Variants in ZNF804B observed in about 807,000 individuals in gnomAD.
The protein encoded by ZNF804B is zinc finger protein 804B, also known as zinc finger 804B.
Under a neutral mutation model 101.4 loss-of-function variants are expected in ZNF804B, and 80 were observed. That is an observed-to-expected ratio of 0.79 (90% confidence interval 0.66 to 0.95). ZNF804B has a LOEUF of 0.95. ZNF804B is among the 40% of genes least tolerant of loss of function. The pLI, the probability that ZNF804B is intolerant of heterozygous loss-of-function variation, is 0.00. For missense variants in ZNF804B, 1,673 were observed against 1,561.9 expected (o/e 1.07, Z -1.20); for synonymous variants, 622 against 558.8 (o/e 1.11, Z -1.59).
chr7:88,775,100 T>G (rs1323108673), intron 1 of ZNF804B, among the ~76,000 whole-genome samples: 1 of 152,246 alleles, frequency 6.6e-6, no homozygotes, highest in Non-Finnish European at 1.5e-5. Flanking sequence ...AACAGATTTT[T>G]ATTTCTTAAT....
At chr7:89,204,100 T>A (rs956588128) in intron 1 of ZNF804B, among the ~76,000 whole-genome samples, 3 of 152,212 alleles carry the variant, frequency 2.0e-5, no homozygotes, top group Non-Finnish European at 4.4e-5. Context: ...AAATGGTTTG[T>A]AACTGAGCAG....
chr7:89,228,676 C>T (rs536409011), intron 2 of ZNF804B, among the ~76,000 whole-genome samples: 1 of 152,198 alleles, frequency 6.6e-6, no homozygotes. Flanking sequence ...TTCATGTCCC[C>T]ACCAGACTCA....
At chr7:89,004,389 G>C in intron 1 of ZNF804B, among the ~76,000 whole-genome samples, 1 of 151,716 alleles carries the variant, frequency 6.6e-6, no homozygotes, top group East Asian at 1.9e-4. Flanking sequence ...AAAATTAAGA[G>C]GATGCATATA....
intron 1 of ZNF804B, among the ~76,000 whole-genome samples, chr7:89,143,377 G>T (rs936165300): frequency 1.3e-5 from 2 of 151,766 alleles, no homozygotes; most frequent in African/African-American, 4.8e-5. Context: ...GCTGAATTTA[G>T]ATGAGCTATG....
At chr7:89,198,958 G>A (rs1038671720) in intron 1 of ZNF804B, among the ~76,000 whole-genome samples, 2 of 151,840 alleles carry the variant, frequency 1.3e-5, no homozygotes, top group African/African-American at 4.8e-5. Flanking sequence ...GGAGCCATAA[G>A]GAGTTTAGAA....
At chr7:89,036,525 G>A (rs1788930729) in intron 1 of ZNF804B, among the ~76,000 whole-genome samples, 1 of 152,102 alleles carries the variant, frequency 6.6e-6, no homozygotes, top group African/African-American at 2.4e-5. Flanking sequence ...ACGGAAATTA[G>A]TTAATATGAT....
chr7:88,794,273 T>C (rs1412431940), intron 1 of ZNF804B: 5 of 1,613,726 alleles, frequency 3.1e-6, no homozygotes, highest in Non-Finnish European at 4.2e-6. Context: ...GCCGGGTCCA[T>C]GAATTCTTCG....
At chr7:88,836,411 A>G (rs1255401703) in intron 1 of ZNF804B, among the ~76,000 whole-genome samples, 1 of 151,856 alleles carries the variant, frequency 6.6e-6, no homozygotes, top group Non-Finnish European at 1.5e-5. Flanking sequence ...TAAAAGTCCC[A>G]TGGGGCAGCA....
rs142574160 is a variant in ZNF804B, at chr7:89,111,749, A to G, written c.109-106406A>G. Among the ~76,000 whole-genome samples the G allele has an allele frequency of 3.2e-3, 490 of 152,196 alleles. 4 individuals are homozygous for G. Among genetic ancestry groups the G allele is most frequent in the African/African-American group, 0.011 (465 of 41,522 alleles). Reference sequence around the variant, plus strand: ...AACTTATTAATTTTTTCTTTCACGGATTGTCCTTTTAGTGTTGCATCTAAA... The same window carrying G: ...AACTTATTAATTTTTTCTTTCACGGGTTGTCCTTTTAGTGTTGCATCTAAA... On this transcript the variant is annotated intron_variant, in intron 1 of 3. Transcript: ENST00000333190.
chr7:89,049,208 T>C (rs1035217824), intron 1 of ZNF804B, among the ~76,000 whole-genome samples: 1 of 152,178 alleles, frequency 6.6e-6, no homozygotes, highest in Non-Finnish European at 1.5e-5. Flanking sequence ...GCTTTTTTAG[T>C]ACAAGGTCAT....
chr7:88,872,206 G>C (rs1791837602), intron 1 of ZNF804B, among the ~76,000 whole-genome samples: 1 of 152,100 alleles, frequency 6.6e-6, no homozygotes, highest in Admixed American at 6.6e-5. Context: ...TTGGGATTCA[G>C]GCGGTTTAAG....
At chr7:89,253,588 T>TA (rs1417437848) in intron 2 of ZNF804B, among the ~76,000 whole-genome samples, 1 of 152,134 alleles carries the variant, frequency 6.6e-6, no homozygotes, top group East Asian at 1.9e-4. Flanking sequence ...AAATTTCTTT[T>TA]AAAATCCTCT....
chr7:89,115,895 G>C (rs1485999515), intron 1 of ZNF804B, among the ~76,000 whole-genome samples: 1 of 111,894 alleles, frequency 8.9e-6, no homozygotes, highest in Non-Finnish European at 1.8e-5. Flanking sequence ...AAGGTCAACA[G>C]GTTTTTTTGT....
intron 1 of ZNF804B, among the ~76,000 whole-genome samples, chr7:88,830,487 A>G (rs1044581741): frequency 4.6e-5 from 7 of 152,008 alleles, no homozygotes; most frequent in African/African-American, 2.4e-5. Flanking sequence ...ATGCATTTTT[A>G]TAACCTTCTT....
In ZNF804B at chr7:88,760,181, G is replaced by C; in HGVS notation, c.108+97G>C. The C allele has an allele frequency of 1.3e-5, 13 of 996,210 alleles. 1 individual carries two copies. The Middle Eastern group carries it at 2.7e-3, about 208-fold the overall frequency. The allele number at this position is 996,210 out of a possible 1,614,324, so 61.7% of individuals were successfully genotyped here. ...TAGTATCCTGATACAATGAGTAGGT[G>C]GTGGACATCTAAAACGTATACCTTA... On this transcript the variant is annotated intron_variant, in intron 1 of 3. Transcript: ENST00000333190.
Position 89,124,370 on chromosome 7 carries a change from G to T in ZNF804B, c.109-93785G>T, listed in dbSNP as rs566228687. 3.9e-5 allele frequency among the ~76,000 whole-genome samples: 6 copies of T among 152,230 alleles called. No homozygotes were observed. The South Asian group carries it at 6.2e-4, about 16-fold the overall frequency. ...GGTGATGGGGATACAAGGGAGAAAA[G>T]TTTGGGAAAAAGCATACTGATGATC... On this transcript the variant is annotated intron_variant, in intron 1 of 3. Transcript: ENST00000333190.
At chr7:88,987,216 G>A (rs1056981129) in intron 1 of ZNF804B, among the ~76,000 whole-genome samples, 1 of 152,070 alleles carries the variant, frequency 6.6e-6, no homozygotes, top group Non-Finnish European at 1.5e-5. Flanking sequence ...AGTGAATACT[G>A]TAGAGCTTGA....
At chr7:88,931,788 A>T (rs1162480518) in intron 1 of ZNF804B, among the ~76,000 whole-genome samples, 3 of 151,878 alleles carry the variant, frequency 2.0e-5, no homozygotes, top group Non-Finnish European at 2.9e-5. Context: ...TGAATTAACG[A>T]GCAAATTATA....
At chr7:89,290,091 C>T (rs779291852) in intron 2 of ZNF804B, among the ~76,000 whole-genome samples, 9 of 151,982 alleles carry the variant, frequency 5.9e-5, no homozygotes, top group Non-Finnish European at 1.3e-4. Flanking sequence ...GGGATGATGA[C>T]ATTTCTAGAC....
Sources: gnomAD v4.1 joint callset for allele counts (sites outside exome capture counted in the v4.1 genomes callset) on GRCh38, gnomAD v4.1.1 for gene constraint, MANE v1.5 for transcripts, NCBI Gene and HGNC (gene_info 2026-07-23, HGNC 2026-07-21) for gene names.